TLN2: variants seen among roughly 807,000 people sequenced by gnomAD.
TLN2 encodes talin-2.
A neutral mutation model predicts 294.7 loss-of-function variants in TLN2; 118 were observed. The ratio of observed to expected loss-of-function variants is 0.40; its 90% confidence interval spans 0.34 to 0.47. The LOEUF is 0.47. TLN2 is among the 20% of genes least tolerant of loss of function. TLN2 has a pLI of 0.84. For missense variants in TLN2, 3,083 were observed against 3,282.2 expected (o/e 0.94, Z 1.48); for synonymous variants, 1,431 against 1,304.5 (o/e 1.10, Z -2.09).
chr15:62,836,424 C>T (rs954426033), intron 57 of TLN2, among the ~76,000 whole-genome samples: 3 of 152,198 alleles, frequency 2.0e-5, no homozygotes, highest in African/African-American at 7.2e-5. Flanking sequence ...CTAGCCAGAC[C>T]ACTCAGGTTC....
At chr15:62,810,146 A>G in intron 52 of TLN2, 114 bp downstream of exon 52, 2 of 849,208 alleles carry the variant, frequency 2.4e-6, no homozygotes, top group Non-Finnish European at 3.9e-6. Flanking sequence ...GTCCATTGCC[A>G]CTGTGAGGCT....
At chr15:62,551,591 C>T (rs1353935311) in intron 1 of TLN2, among the ~76,000 whole-genome samples, 9 of 151,962 alleles carry the variant, frequency 5.9e-5, no homozygotes, top group East Asian at 1.9e-4. Flanking sequence ...CCCAGCTACT[C>T]GGGAGGCTAA....
chr15:62,700,993 G>A (rs1442978279), intron 16 of TLN2, 113 bp from the exon 17 acceptor site: 6 of 869,332 alleles, frequency 6.9e-6, no homozygotes, highest in Non-Finnish European at 1.1e-5. Context: ...GTCGGTGCTG[G>A]CCTCATAAGA....
At chr15:62,646,199 G>A (rs2140930156) in intron 3 of TLN2, among the ~76,000 whole-genome samples, 1 of 150,304 alleles carries the variant, frequency 6.7e-6, no homozygotes, top group African/African-American at 2.5e-5. Flanking sequence ...GTCTTGCTCT[G>A]TTGCCCAGGC....
intron 2 of TLN2, among the ~76,000 whole-genome samples, chr15:62,615,284 T>C (rs917541605): frequency 1.3e-5 from 2 of 152,356 alleles, no homozygotes; most frequent in African/African-American, 4.8e-5. Context: ...TATTGAGTTT[T>C]CATAGGAACA....
rs755063814 is a variant in TLN2 at position 62,761,818 on chromosome 15, C to A, written c.4776C>A (p.Ser1592=). ...TCAGCATTCCTGCCCAGATCAGCTC[C>A]GAGGTAGGGAGTGTTTACAGGAACA... ...EFVSIPAQIS[S]EGSQAQEPIL... Residue 1592 remains serine, a synonymous_variant, in exon 38 of 59, where the codon TCC becomes TCA. Transcript: ENST00000636159. 6.2e-7 allele frequency: 1 copy of A among 1,613,942 alleles called. No homozygotes were observed. The highest frequency in any genetic ancestry group is 1.3e-5 in the African/African-American group (1 of 74,884).
At chr15:62,394,478 T>C (rs1396693246) in intron 1 of TLN2, among the ~76,000 whole-genome samples, 2 of 152,224 alleles carry the variant, frequency 1.3e-5, no homozygotes, top group Non-Finnish European at 2.9e-5. Flanking sequence ...GGTGCCTTTT[T>C]AATTACAGTA....
Position 62,738,797 on chromosome 15 carries a change from A to G in TLN2, c.3687+464A>G, listed in dbSNP as rs1398808336. Among the ~76,000 whole-genome samples the G allele has an allele frequency of 2.6e-5, 4 of 152,160 alleles. 1 individual carries two copies. Among genetic ancestry groups the G allele is most frequent in the South Asian group, 4.1e-4 (2 of 4,832 alleles). On this transcript the variant is annotated intron_variant, in intron 30 of 58. Transcript: ENST00000636159. ...TCTTCTCTGCACAGGTATAGAGGCA[A>G]TGTTTGTGGGTGATGAATAGAGTCT... is the stretch of plus-strand genomic sequence containing the variant.
At chr15:62,621,966 G>C (rs7173616) in intron 3 of TLN2, among the ~76,000 whole-genome samples, 1 of 151,976 alleles carries the variant, frequency 6.6e-6, no homozygotes, top group South Asian at 2.1e-4. Flanking sequence ...GTAGATGTCA[G>C]TTGTGCACAT....
At chr15:62,655,488 C>G (rs1248699763) in intron 7 of TLN2, among the ~76,000 whole-genome samples, 1 of 152,182 alleles carries the variant, frequency 6.6e-6, no homozygotes, top group Non-Finnish European at 1.5e-5. Flanking sequence ...AGGTAACTTA[C>G]TATGCTCATA....
At position 62,815,191 on chromosome 15, in the gene TLN2, A is replaced by T. The variant is rs867705084; in HGVS notation, c.6772-4325A>T. The stretch of plus-strand genomic sequence containing the variant: ...TATTCTGTCTGTCACACACACACAC[A>T]CACACACACACACACACACACACAC... On this transcript the variant is annotated intron_variant, in intron 52 of 58. Transcript: ENST00000636159. 6.2e-3 allele frequency among the ~76,000 whole-genome samples: 873 copies of T among 141,486 alleles called. 7 individuals are homozygous for T. The highest frequency in any genetic ancestry group is 7.0e-3 in the Middle Eastern group (2 of 284). The allele number at this position is 141,486 out of a possible 152,430, so 92.8% of individuals were successfully genotyped here. A position where few individuals can be genotyped will look rare whatever the true frequency, so the allele number is the denominator to read the frequency against.
intron 28 of TLN2, among the ~76,000 whole-genome samples, chr15:62,733,012 T>C (rs2060814471): frequency 6.6e-6 from 1 of 152,174 alleles, no homozygotes; most frequent in African/African-American, 2.4e-5. Context: ...TGATACAGAT[T>C]TGAAAATTAT....
At chr15:62,672,546 G>C (rs1177800054) in intron 9 of TLN2, among the ~76,000 whole-genome samples, 1 of 152,098 alleles carries the variant, frequency 6.6e-6, no homozygotes, top group Admixed American at 6.5e-5. Flanking sequence ...TTATTATTTT[G>C]TTCTCTCTTT....
chr15:62,650,120 C>A lies in TLN2; in HGVS notation c.173C>A (p.Pro58Gln). 6.2e-7 allele frequency: 1 copy of A among 1,614,062 alleles called. No individual in the cohort carries two copies. The highest frequency in any genetic ancestry group is 8.5e-7 in the Non-Finnish European group (1 of 1,180,006). ...DYGLFLSDED[P>Q]RKGIWLEAGR... ...GGACTCTTTCTTTCGGATGAAGACC[C>A]GAGGAAAGGGATTTGGCTGGAAGCG... Residue 58 changes from proline to glutamine, a missense_variant, in exon 5 of 59, where the codon CCG becomes CAG. Pro to Gln is a moderately conservative substitution (Grantham distance 76). Coordinates refer to ENST00000636159, the MANE Select transcript of TLN2 (RefSeq NM_015059.3).
intron 53 of TLN2, 152 bp downstream of exon 53, chr15:62,819,773 TTA>T: frequency 1.6e-6 from 1 of 632,152 alleles, no homozygotes; most frequent in Non-Finnish European, 2.7e-6. Flanking sequence ...GCAAATGGGT[TTA>T]GAGTTAACTT....
At chr15:62,628,017 A>G (rs1441485646) in intron 3 of TLN2, among the ~76,000 whole-genome samples, 1 of 152,232 alleles carries the variant, frequency 6.6e-6, no homozygotes, top group African/African-American at 2.4e-5. Context: ...GGAACTGTCA[A>G]CATGGGAAGC....
Position 62,709,735 on chromosome 15 carries a change from T to TTTTTTCTTTTTTC in TLN2, c.2467+950_2467+951insTCTTTTTCTTTTT, listed in dbSNP as rs2059303393. ...TTAAAGACTTTTTTTTTCTTTTTTC[T>TTTTTTCTTTTTTC]TTTTTCTTTTTCTTTTTGAGATGGA... On this transcript the variant is annotated intron_variant, in intron 21 of 58. Transcript: ENST00000636159. 3.3e-5 allele frequency among the ~76,000 whole-genome samples: 5 copies of TTTTTTCTTTTTTC among 149,550 alleles called. No homozygotes were observed. In the South Asian group the frequency reaches 1.1e-3, roughly 32 times the overall value.
rs1039753868 is a variant in TLN2 at position 62,717,783 on chromosome 15, T to C, written c.2877+94T>C. On this transcript the variant is annotated intron_variant, in intron 24 of 58. Transcript: ENST00000636159. ...CCCTGGTAGTTCAGTAAAGACAGAT[T>C]ATCCAAGCTCCTAATCCAATTTGCC... is the stretch of plus-strand genomic sequence containing the variant. 2.0e-5 allele frequency: 18 copies of C among 903,316 alleles called. No homozygotes were observed. In the African/African-American group the frequency reaches 2.4e-4, roughly 12 times the overall value. 56.0% of individuals were successfully genotyped at this position (903,316 alleles called of 1,614,324 possible). A position where few individuals can be genotyped will look rare whatever the true frequency, so the allele number is the denominator to read the frequency against.
chr15:62,752,514 C>A (rs183557118), intron 35 of TLN2, 87 bp downstream of exon 35: 5 of 1,538,404 alleles, frequency 3.3e-6, no homozygotes, highest in Non-Finnish European at 3.5e-6. Flanking sequence ...CCTCTTTCTC[C>A]AAGTACCACC....
Sources: gnomAD v4.1 joint callset for allele counts (sites outside exome capture counted in the v4.1 genomes callset) on GRCh38, gnomAD v4.1.1 for gene constraint, MANE v1.5 for transcripts, NCBI Gene and HGNC (gene_info 2026-07-23, HGNC 2026-07-21) for gene names.